Variants in PDGFRL observed in about 807,000 individuals in gnomAD.
PDGFRL encodes platelet derived growth factor receptor like, also known as platelet-derived growth factor receptor-like protein.
In PDGFRL, 46 loss-of-function variants were observed where a neutral mutation model predicts 37.2. That is an observed-to-expected ratio of 1.24 (90% confidence interval 0.98 to 1.58). PDGFRL has a LOEUF of 1.58. Ranked by LOEUF, PDGFRL falls within the 40% of genes most tolerant of loss-of-function variation. The pLI is 0.00. For missense variants in PDGFRL, 692 were observed against 467.6 expected (o/e 1.48, Z -4.43); for synonymous variants, 251 against 184.3 (o/e 1.36, Z -2.93).
At chr8:17,594,793 G>A (rs147515004) in intron 2 of PDGFRL, among the ~76,000 whole-genome samples, 88 of 152,124 alleles carry the variant, frequency 5.8e-4, no homozygotes, top group African/African-American at 2.0e-3. Context: ...CACCCACCTC[G>A]GCCTCCCAAA....
At chr8:17,626,654 G>C (rs1804740432) in intron 3 of PDGFRL, among the ~76,000 whole-genome samples, 2 of 152,262 alleles carry the variant, frequency 1.3e-5, no homozygotes, top group African/African-American at 2.4e-5. Context: ...GGTATCACTA[G>C]CTCTGAAGAT....
chr8:17,589,593 G>C lies in PDGFRL; in HGVS notation c.181G>C (p.Ala61Pro). 6.2e-7 allele frequency: 1 copy of C among 1,613,968 alleles called. No homozygotes were observed. The change falls in exon 2 of 6, where the codon GCA becomes CCA. Residue 61 changes from alanine to proline, a missense_variant. By Grantham distance (27) the Ala-to-Pro change is conservative. Coordinates refer to ENST00000251630, the MANE Select transcript of PDGFRL (RefSeq NM_001372073.1). Reference sequence around the variant, plus strand: ...GAAGGACAGGGACTCAGCCAATTCAGCACCAAAGACGCAGTCTATCATGAT... The same window carrying C: ...GAAGGACAGGGACTCAGCCAATTCACCACCAAAGACGCAGTCTATCATGAT... The part of the protein sequence containing the change: ...KMKDRDSANS[A>P]PKTQSIMMQV...
At chr8:17,587,246 C>T (rs1803837506) in intron 1 of PDGFRL, among the ~76,000 whole-genome samples, 1 of 152,112 alleles carries the variant, frequency 6.6e-6, no homozygotes, top group Admixed American at 6.5e-5. Flanking sequence ...AATTATTTTG[C>T]ATAGATAATA....
At chr8:17,577,387 C>A in intron 1 of PDGFRL, 80 bp downstream of exon 1, 1 of 1,230,820 alleles carries the variant, frequency 8.1e-7, no homozygotes, top group Non-Finnish European at 1.2e-6. Context: ...GCCCTCCTGC[C>A]AGCTCTTGGT....
intron 2 of PDGFRL, chr8:17,596,438 T>TA (rs1804054406): frequency 1.7e-5 from 9 of 525,526 alleles, no homozygotes; most frequent in Middle Eastern, 5.4e-4. Context: ...GCACTTTTTA[T>TA]AAAAAAACAG....
chr8:17,609,142 C>G (rs1315584013), intron 2 of PDGFRL, among the ~76,000 whole-genome samples: 1 of 152,136 alleles, frequency 6.6e-6, no homozygotes, highest in Non-Finnish European at 1.5e-5. Flanking sequence ...GTTGAGGCTA[C>G]AGTGAGCCAT....
At chr8:17,636,634 T>C (rs1025588184) in intron 5 of PDGFRL, among the ~76,000 whole-genome samples, 1 of 152,138 alleles carries the variant, frequency 6.6e-6, no homozygotes, top group Admixed American at 6.5e-5. Flanking sequence ...TAGGATTGTT[T>C]TTTCTAGTTC....
rs1171560621 is a variant in PDGFRL, at chr8:17,599,633, G to A, written c.353+9868G>A. Among the ~76,000 whole-genome samples, 4 of 152,216 alleles carry A rather than the reference G, an allele frequency of 2.6e-5. No individual in the cohort carries two copies. The East Asian group carries it at 7.7e-4, about 29-fold the overall frequency. On this transcript the variant is annotated intron_variant, in intron 2 of 5. Coordinates refer to ENST00000251630, the MANE Select transcript of PDGFRL (RefSeq NM_001372073.1). ...CGCCACGTGGCCGTGGCTGCCAGTA[G>A]ATGTGGCCACCTCACGTTTGCTTGG...
chr8:17,598,136 T>C (rs1274970746), intron 2 of PDGFRL, among the ~76,000 whole-genome samples: 1 of 152,212 alleles, frequency 6.6e-6, no homozygotes, highest in African/African-American at 2.4e-5. Context: ...TCTTATCCTA[T>C]ATGTTTCCTG....
chr8:17,623,507 A>T (rs547102074), intron 3 of PDGFRL, among the ~76,000 whole-genome samples: 59 of 152,320 alleles, frequency 3.9e-4, no homozygotes, highest in African/African-American at 1.3e-3. Context: ...CAAGATTAGC[A>T]CTGTTGTGTC....
chr8:17,597,656 C>T (rs904478602), intron 2 of PDGFRL, among the ~76,000 whole-genome samples: 3 of 152,094 alleles, frequency 2.0e-5, no homozygotes, highest in African/African-American at 7.2e-5. Flanking sequence ...ATGATTAAAA[C>T]ACAATATGAA....
upstream of PDGFRL, chr8:17,576,859 G>GC: frequency 3.9e-6 from 1 of 258,418 alleles, no homozygotes; most frequent in Non-Finnish European, 6.6e-6. Flanking sequence ...TGGGGCGGGC[G>GC]CTGGTAACAT....
chr8:17,642,575 T>G (rs1201031046), intron 5 of PDGFRL, 38 bp from the exon 6 acceptor site: 34 of 1,303,378 alleles, frequency 2.6e-5, no homozygotes, highest in Non-Finnish European at 3.2e-5. Context: ...TAGCAGCTTG[T>G]CCCTCTTGCT....
intron 2 of PDGFRL, among the ~76,000 whole-genome samples, chr8:17,604,022 G>A (rs1335825589): frequency 6.6e-6 from 1 of 152,164 alleles, no homozygotes; most frequent in African/African-American, 2.4e-5. Context: ...GAGGTTAGGA[G>A]GAGAGATGAT....
chr8:17,594,384 G>A (rs1277507805), intron 2 of PDGFRL, among the ~76,000 whole-genome samples: 1 of 151,106 alleles, frequency 6.6e-6, no homozygotes, highest in Non-Finnish European at 1.5e-5. Context: ...GGAATTACAG[G>A]CACACACCAC....
intron 4 of PDGFRL, among the ~76,000 whole-genome samples, chr8:17,633,085 G>T (rs1335682790): frequency 6.6e-6 from 1 of 152,112 alleles, no homozygotes; most frequent in African/African-American, 2.4e-5. Context: ...TCAGAGATCA[G>T]GTCCATCACC....
intron 2 of PDGFRL, among the ~76,000 whole-genome samples, chr8:17,619,041 C>G (rs1194864620): frequency 6.6e-6 from 1 of 152,164 alleles, no homozygotes; most frequent in African/African-American, 2.4e-5. Flanking sequence ...CCGCAGTGAA[C>G]CAGAACAGGG....
chr8:17,585,764 C>T (rs1158911979), intron 1 of PDGFRL, among the ~76,000 whole-genome samples: 1 of 152,114 alleles, frequency 6.6e-6, no homozygotes, highest in African/African-American at 2.4e-5. Context: ...GTCAATGATT[C>T]TTCTAATGAA....
At chr8:17,630,435 G>C (rs1804838466) in intron 4 of PDGFRL, among the ~76,000 whole-genome samples, 1 of 152,172 alleles carries the variant, frequency 6.6e-6, no homozygotes, top group African/African-American at 2.4e-5. Flanking sequence ...GAGATCTGTT[G>C]GTCATGTCGA....
Sources: gnomAD v4.1 joint callset for allele counts (sites outside exome capture counted in the v4.1 genomes callset) on GRCh38, gnomAD v4.1.1 for gene constraint, MANE v1.5 for transcripts, NCBI Gene and HGNC (gene_info 2026-07-23, HGNC 2026-07-21) for gene names.